PON1: variants seen among roughly 807,000 people sequenced by gnomAD.
The protein encoded by PON1 is serum paraoxonase/arylesterase 1.
A neutral mutation model predicts 39.2 loss-of-function variants in PON1; 37 were observed. The ratio of observed to expected loss-of-function variants is 0.94; its 90% CI spans 0.73 to 1.24. The LOEUF (loss-of-function observed/expected upper bound fraction) is 1.24. PON1 is among the 50% of genes most tolerant of loss of function. The probability of loss-of-function intolerance (pLI) is 0.00; values close to 1 mark genes in which losing one functional copy is unlikely to be tolerated. For missense variants in PON1, 397 were observed against 413.5 expected, an observed-to-expected ratio of 0.96 and a Z score of 0.35; for synonymous variants, 148 against 152.2, an observed-to-expected ratio of 0.97 and a Z score of 0.21.
At chr7:95,302,071 T>A in intron 8 of PON1, 134 bp downstream of exon 8, 1 of 918,400 alleles carries the variant, frequency 1.1e-6, no homozygotes, top group Non-Finnish European at 1.5e-6. Context: ...CACTCCAGCC[T>A]GGGCGACAGA....
At chr7:95,315,785 A>G (rs1382593112) in intron 3 of PON1, among the ~76,000 whole-genome samples, 2 of 152,208 alleles carry the variant, frequency 1.3e-5, no homozygotes, top group African/African-American at 2.4e-5. Context: ...GGAAGAGCAG[A>G]CCAAAAAGGC....
intron 7 of PON1, among the ~76,000 whole-genome samples, chr7:95,303,635 C>A (rs894448423): frequency 1.3e-5 from 2 of 152,178 alleles, no homozygotes; most frequent in Non-Finnish European, 2.9e-5. Context: ...ACCAGGTACC[C>A]AGCAGACACA....
intron 2 of PON1, among the ~76,000 whole-genome samples, 169 bp downstream of exon 2, chr7:95,318,154 T>C (rs2116323472): frequency 1.3e-5 from 2 of 151,656 alleles, no homozygotes; most frequent in African/African-American, 4.8e-5. Context: ...CTTGGCAGTA[T>C]GTTGGTGAAG....
chr7:95,304,602 G>A (rs530813476), intron 7 of PON1, among the ~76,000 whole-genome samples: 2 of 152,142 alleles, frequency 1.3e-5, no homozygotes, highest in Non-Finnish European at 2.9e-5. Flanking sequence ...ACAGTGCTGG[G>A]ATTACAGGTG....
At position 95,324,495 on chromosome 7, in the gene PON1, G is replaced by C; in HGVS notation, c.-20C>G. On this transcript the variant is annotated 5_prime_UTR_variant, in exon 1 of 9. It adds an upstream start codon to the 5' untranslated region. Coordinates refer to ENST00000222381, the MANE Select transcript of PON1 (RefSeq NM_000446.7). ...CGCCATGGTCGGGGATAGACAAAGGGATCGATGGGCGCAGACACCGACGGG... is the reference window on the plus strand; with the variant it reads ...CGCCATGGTCGGGGATAGACAAAGGCATCGATGGGCGCAGACACCGACGGG... The C allele has an allele frequency of 6.2e-7, 1 of 1,612,158 alleles. No homozygotes were observed. Among genetic ancestry groups the C allele is most frequent in the Non-Finnish European group, 8.5e-7 (1 of 1,178,404 alleles).
At chr7:95,314,779 A>C (rs1226332317) in intron 4 of PON1, among the ~76,000 whole-genome samples, 2 of 152,152 alleles carry the variant, frequency 1.3e-5, no homozygotes, top group Admixed American at 6.5e-5. Context: ...AGCAAATGGA[A>C]AGGGAGAAAG....
chr7:95,308,696 TTAG>T (rs1807594927), intron 5 of PON1, among the ~76,000 whole-genome samples: 1 of 152,192 alleles, frequency 6.6e-6, no homozygotes, highest in Non-Finnish European at 1.5e-5. Flanking sequence ...TCTGCTACTA[TTAG>T]CTGTGTGATC....
chr7:95,323,612 T>G (rs3917468), intron 1 of PON1, among the ~76,000 whole-genome samples: 13,627 of 152,274 alleles, frequency 0.089, 768 homozygotes, highest in East Asian at 0.19. Context: ...TTAAAAGTTA[T>G]GAAACTTTTG....
chr7:95,318,275 A>G, intron 2 of PON1, 48 bp downstream of exon 2: 5 of 1,511,400 alleles, frequency 3.3e-6, no homozygotes, highest in Non-Finnish European at 4.6e-6. Context: ...AAAGAGCAAA[A>G]AAATACCGGA....
At chr7:95,300,425 G>A (rs781746897) in intron 8 of PON1, among the ~76,000 whole-genome samples, 12 of 152,176 alleles carry the variant, frequency 7.9e-5, no homozygotes, top group Non-Finnish European at 1.5e-5. Flanking sequence ...TGTGGCAGAC[G>A]GTGAAGGCCA....
chr7:95,299,811 C>CAT lies in PON1; in HGVS notation c.910-711_910-710dup, dbSNP rs3917573. 5.0e-3 allele frequency among the ~76,000 whole-genome samples: 757 copies of CAT among 151,920 alleles called. 8 individuals carry two copies. Among genetic ancestry groups the CAT allele is most frequent in the African/African-American group, 0.016 (659 of 41,444 alleles). ...GTTAATACTTAATAAACCCCCTTTA[C>CAT]ATATATATATATCCTATTAGTTCTG... On this transcript the variant is annotated intron_variant, in intron 8 of 8. Coordinates refer to ENST00000222381, the MANE Select transcript of PON1 (RefSeq NM_000446.7).
At position 95,313,618 on chromosome 7, in the gene PON1, A is replaced by ATGTATGTGTGTGTGTGTG. The variant is rs374185817; in HGVS notation, c.370+1703_370+1704insCACACACACACACATACA. The stretch of plus-strand genomic sequence containing the variant: ...TCCATTGAAAGGGATATATATGTAT[A>ATGTATGTGTGTGTGTGTG]TGTGTGTGTGTGTGTGTGTGTGTGT... On this transcript the variant is annotated intron_variant, in intron 4 of 8. Coordinates refer to ENST00000222381, the MANE Select transcript of PON1 (RefSeq NM_000446.7). 3.6e-3 allele frequency among the ~76,000 whole-genome samples: 529 copies of ATGTATGTGTGTGTGTGTG among 147,284 alleles called. 4 individuals are homozygous for ATGTATGTGTGTGTGTGTG. The highest frequency in any genetic ancestry group is 0.013 in the African/African-American group (504 of 39,380).
At chr7:95,306,767 G>A (rs887112338) in intron 6 of PON1, among the ~76,000 whole-genome samples, 4 of 152,128 alleles carry the variant, frequency 2.6e-5, no homozygotes, top group African/African-American at 9.7e-5. Context: ...ACAGCCCCTT[G>A]TTTTAATCCA....
At chr7:95,301,608 T>C (rs908002888) in intron 8 of PON1, among the ~76,000 whole-genome samples, 1 of 152,050 alleles carries the variant, frequency 6.6e-6, no homozygotes, top group African/African-American at 2.4e-5. Flanking sequence ...GCATTATAAC[T>C]CTGTTGATTA....
chr7:95,320,457 AG>A (rs1404942041), intron 1 of PON1, among the ~76,000 whole-genome samples: 1 of 152,234 alleles, frequency 6.6e-6, no homozygotes, highest in Admixed American at 6.5e-5. Context: ...ATATCTCAAC[AG>A]GATAATCATT....
At chr7:95,305,989 G>T (rs984278136) in intron 7 of PON1, among the ~76,000 whole-genome samples, 19 of 152,112 alleles carry the variant, frequency 1.2e-4, no homozygotes, top group African/African-American at 4.6e-4. Context: ...TCAGAAGAAA[G>T]GCAGGAAGGG....
intron 1 of PON1, among the ~76,000 whole-genome samples, chr7:95,318,933 C>T (rs749683394): frequency 6.6e-6 from 1 of 152,140 alleles, no homozygotes; most frequent in Non-Finnish European, 1.5e-5. Flanking sequence ...CACAGGTGCA[C>T]TCACACACAT....
chr7:95,324,336 G>A, intron 1 of PON1, 66 bp downstream of exon 1: 1 of 1,495,068 alleles, frequency 6.7e-7, no homozygotes. Flanking sequence ...AACTTTCTGG[G>A]GGCTCGTGGA....
intron 7 of PON1, among the ~76,000 whole-genome samples, chr7:95,304,622 G>A (rs973866305): frequency 1.3e-5 from 2 of 152,026 alleles, no homozygotes; most frequent in African/African-American, 4.8e-5. Flanking sequence ...GTGAGCCACC[G>A]CACCCGGCCA....
Sources: gnomAD v4.1 joint callset for allele counts (sites outside exome capture counted in the v4.1 genomes callset) on GRCh38, gnomAD v4.1.1 for gene constraint, MANE v1.5 for transcripts, NCBI Gene and HGNC (gene_info 2026-07-23, HGNC 2026-07-21) for gene names.